The following ATR variants were observed in gnomAD, a reference collection of about 807,000 sequenced individuals.
The protein encoded by ATR is ATR checkpoint kinase, also known as serine/threonine-protein kinase ATR.
Under a neutral mutation model 305.3 loss-of-function variants are expected in ATR, and 142 were observed. The observed-to-expected ratio is 0.47, with a 90% CI of 0.41 to 0.53. ATR has a LOEUF of 0.53. ATR is among the 20% of genes least tolerant of loss of function. ATR has a pLI of 0.00. For missense variants in ATR, 2,135 were observed against 3,133.1 expected (o/e 0.68, Z 7.60); for synonymous variants, 1,050 against 1,068.1 (o/e 0.98, Z 0.33).
At chr3:142,450,253 A>G (rs2070759515) in intron 46 of ATR, 3 of 692,274 alleles carry the variant, frequency 4.3e-6, no homozygotes, top group Non-Finnish European at 7.8e-6. Context: ...AATAACCCCT[A>G]CAACAGCCAA....
chr3:142,526,827 T>C (rs769205922), intron 21 of ATR, among the ~76,000 whole-genome samples: 1 of 151,786 alleles, frequency 6.6e-6, no homozygotes, highest in Non-Finnish European at 1.5e-5. Context: ...CCCGCTCTGT[T>C]GCCCTGGCTG....
chr3:142,572,975 G>A (rs1370902099), intron 1 of ATR, among the ~76,000 whole-genome samples: 1 of 152,148 alleles, frequency 6.6e-6, no homozygotes, highest in Non-Finnish European at 1.5e-5. Flanking sequence ...TCCTACAGGT[G>A]GCAGACTGTG....
At chr3:142,566,069 G>A (rs2035061220) in intron 3 of ATR, 52 bp downstream of exon 3, 1 of 1,609,396 alleles carries the variant, frequency 6.2e-7, no homozygotes, top group Admixed American at 1.7e-5. Context: ...AGCAGTAAAA[G>A]GAGGATTTTA....
At chr3:142,534,967 A>T in intron 21 of ATR, 113 bp downstream of exon 21, 1 of 1,212,406 alleles carries the variant, frequency 8.2e-7, no homozygotes, top group Non-Finnish European at 1.1e-6. Context: ...TTCAGGTAAA[A>T]TAAAAATTTC....
chr3:142,541,085 A>G (rs752642977), intron 17 of ATR, 51 bp from the exon 18 acceptor site: 3 of 1,603,368 alleles, frequency 1.9e-6, no homozygotes, highest in Admixed American at 3.3e-5. Context: ...ATGCTGCCAG[A>G]AGCAGATGAG....
chr3:142,451,654 A>G (rs1011575019), intron 46 of ATR: 78 of 1,219,748 alleles, frequency 6.4e-5, no homozygotes, highest in Non-Finnish European at 7.9e-5. Context: ...ATCATAGCTC[A>G]CAGCAGCCTC....
At chr3:142,522,629 G>T (rs2108394883) in intron 23 of ATR, 99 bp downstream of exon 23, 1 of 1,024,252 alleles carries the variant, frequency 9.8e-7, no homozygotes, top group Non-Finnish European at 1.5e-6. Context: ...TGATAAAAGT[G>T]AGAATTAAAA....
chr3:142,496,328 A>ACATG (rs2031635567), intron 34 of ATR, 33 bp downstream of exon 34: 2 of 469,018 alleles, frequency 4.3e-6, no homozygotes, highest in African/African-American at 5.1e-5. Context: ...ATATATATAT[A>ACATG]TATATATATG....
At chr3:142,494,765 T>A (rs1280780654) in intron 34 of ATR, among the ~76,000 whole-genome samples, 1 of 152,170 alleles carries the variant, frequency 6.6e-6, no homozygotes, top group Admixed American at 6.5e-5. Flanking sequence ...GTTCCTAGAG[T>A]TAGGCTTAAT....
At chr3:142,465,331 A>G (rs2071102908) in intron 40 of ATR, 91 bp from the exon 41 acceptor site, 6 of 1,011,968 alleles carry the variant, frequency 5.9e-6, no homozygotes, top group South Asian at 3.6e-5. Context: ...TAAAAAAAAA[A>G]AAAGAATATT....
chr3:142,471,793 C>G (rs1480532677), intron 36 of ATR, among the ~76,000 whole-genome samples: 6 of 152,110 alleles, frequency 3.9e-5, no homozygotes, highest in African/African-American at 1.4e-4. Flanking sequence ...CATTTGTTAA[C>G]TATAGTGACC....
At chr3:142,496,727 C>G (rs568034951) in intron 33 of ATR, among the ~76,000 whole-genome samples, 1 of 152,204 alleles carries the variant, frequency 6.6e-6, no homozygotes, top group South Asian at 2.1e-4. Context: ...CTTAACTTTT[C>G]TTACAGTGTT....
At chr3:142,503,508 G>T in intron 29 of ATR, 55 bp from the exon 30 acceptor site, 1 of 1,150,314 alleles carries the variant, frequency 8.7e-7, no homozygotes, top group Non-Finnish European at 1.3e-6. Context: ...ATAGCTTGGG[G>T]ACCAAAAACA....
At chr3:142,518,560 T>C (rs1181349188) in intron 24 of ATR, among the ~76,000 whole-genome samples, 1 of 152,088 alleles carries the variant, frequency 6.6e-6, no homozygotes, top group Non-Finnish European at 1.5e-5. Context: ...TTAATAAGGC[T>C]AATAATAATA....
intron 46 of ATR, chr3:142,452,887 T>A: frequency 7.4e-7 from 1 of 1,355,272 alleles, no homozygotes. Context: ...GTGAATTGTC[T>A]ATGGTTAAAC....
intron 24 of ATR, among the ~76,000 whole-genome samples, chr3:142,519,300 TTAA>T (rs1269926509): frequency 1.3e-5 from 2 of 151,534 alleles, no homozygotes; most frequent in East Asian, 3.9e-4. Flanking sequence ...AAAAATCACA[TTAA>T]TTTTTTTTTT....
In ATR at chr3:142,560,390, AT is replaced by A; in HGVS notation, c.1413del (p.Glu471AspfsTer12). 1 of 1,613,506 alleles carries A rather than the reference AT, an allele frequency of 6.2e-7. No individual in the cohort carries two copies. The highest frequency in any genetic ancestry group is 8.5e-7 in the Non-Finnish European group (1 of 1,179,590). On this transcript the variant is annotated frameshift_variant, in exon 6 of 47. Transcript: ENST00000350721. LOFTEE classifies it high-confidence loss of function. ...CTGTATTCAAGGGAAATCTGAAGGG[AT>A]TCAGCTTTCTGTTTCAGTGCACTCC... ...ILWSALKQKA[E>X]SLQISLEYSG...
At chr3:142,454,730 C>T (rs929145070) in intron 45 of ATR, among the ~76,000 whole-genome samples, 16 of 152,052 alleles carry the variant, frequency 1.1e-4, no homozygotes, top group African/African-American at 3.1e-4. Context: ...CGTGAGCCAC[C>T]GCGCCCGGCC....
rs774885093 is a variant in ATR, at chr3:142,563,076, C to T, written c.326G>A (p.Arg109Gln). The part of the protein sequence containing the change: ...FSNWIITRLL[R>Q]IAATPSCHLL... The stretch of plus-strand genomic sequence containing the variant: ...ATGACAGGAGGGAGTTGCTGCAATC[C>T]GCAGAAGTCTCGTTATGATCCAATT... Residue 109 changes from arginine (R) to glutamine (Q), a missense_variant, in exon 4 of 47, where the codon CGG becomes CAG. Physicochemically the swap from Arg to Gln is conservative, Grantham distance 43. Around this residue, in one of 9 missense-constraint regions of ATR, gnomAD observed 744 missense variants for 873.2 expected, o/e 0.85. Coordinates refer to ENST00000350721, the MANE Select transcript of ATR (RefSeq NM_001184.4). The T allele has an allele frequency of 7.5e-6, 12 of 1,602,726 alleles. No individual in the cohort carries two copies. Among genetic ancestry groups the T allele is most frequent in the Admixed American group, 3.5e-5 (2 of 56,864 alleles).
Sources: allele counts gnomAD v4.1 joint callset (sites outside exome capture counted in the v4.1 genomes callset), GRCh38; gene constraint gnomAD v4.1.1; regional missense constraint gnomAD v4.1.1; transcripts MANE v1.5; gene names NCBI Gene and HGNC (gene_info 2026-07-23, HGNC 2026-07-21).